Variants in CNTNAP2 observed in about 807,000 individuals in gnomAD.
CNTNAP2 encodes contactin-associated protein-like 2.
CNTNAP2 carries 98 observed loss-of-function variants against 155.2 expected under a neutral mutation model. The ratio of observed to expected loss-of-function variants is 0.63; its 90% confidence interval spans 0.54 to 0.75. The LOEUF is 0.75. CNTNAP2 is among the 30% of genes least tolerant of loss of function. CNTNAP2 has a pLI of 0.00. For synonymous variants in CNTNAP2, 651 were observed against 631.2 expected, an observed-to-expected ratio of 1.03 and a Z score of -0.47; for missense variants, 1,727 against 1,688.1, an observed-to-expected ratio of 1.02 and a Z score of -0.40.
chr7:147,249,646 ATCTC>A (rs548374628), intron 8 of CNTNAP2, among the ~76,000 whole-genome samples: 2 of 146,582 alleles, frequency 1.4e-5, no homozygotes, highest in East Asian at 2.0e-4. Flanking sequence ...CCAATCTTCA[ATCTC>A]TCTCTCACAC....
intron 21 of CNTNAP2, among the ~76,000 whole-genome samples, chr7:148,345,613 G>A (rs1798312451): frequency 6.6e-6 from 1 of 152,118 alleles, no homozygotes; most frequent in South Asian, 2.1e-4. Context: ...TCGAACCCCT[G>A]ACCTCGTGAT....
At chr7:148,383,030 A>C (rs1799101922) in intron 21 of CNTNAP2, among the ~76,000 whole-genome samples, 1 of 152,202 alleles carries the variant, frequency 6.6e-6, no homozygotes, top group Non-Finnish European at 1.5e-5. Context: ...AGATTCACCA[A>C]GGCATGTGTT....
At chr7:148,025,283 A>G (rs1385028211) in intron 15 of CNTNAP2, among the ~76,000 whole-genome samples, 1 of 152,192 alleles carries the variant, frequency 6.6e-6, no homozygotes, top group Non-Finnish European at 1.5e-5. Flanking sequence ...AGCTGATGCC[A>G]CCTGAACCCA....
intron 3 of CNTNAP2, among the ~76,000 whole-genome samples, chr7:146,950,395 A>G (rs1013056363): frequency 2.6e-5 from 4 of 152,068 alleles, no homozygotes; most frequent in African/African-American, 9.7e-5. Context: ...TGCTGCACCC[A>G]TTAACCCGCC....
chr7:148,414,243 A>G lies in CNTNAP2; in HGVS notation c.3797-1174A>G, dbSNP rs897343812. ...AGGAGCGTGCCACCATGCCTGGCTG[A>G]TTTTTGTACTTTTAGTATAAAAGAC... On this transcript the variant is annotated intron_variant, in intron 23 of 23. Coordinates refer to ENST00000361727, the MANE Select transcript of CNTNAP2 (RefSeq NM_014141.6). 5.3e-5 allele frequency among the ~76,000 whole-genome samples: 8 copies of G among 151,820 alleles called. No homozygotes were observed. In the East Asian group the frequency reaches 1.4e-3, roughly 26 times the overall value.
At chr7:146,170,134 C>A (rs1373004769) in intron 1 of CNTNAP2, among the ~76,000 whole-genome samples, 1 of 150,274 alleles carries the variant, frequency 6.7e-6, no homozygotes. Context: ...TCAAGCAATT[C>A]TCATGCCACA....
intron 12 of CNTNAP2, among the ~76,000 whole-genome samples, chr7:147,618,708 TACACACACAC>T (rs112885206): frequency 7.6e-6 from 1 of 132,044 alleles, no homozygotes; most frequent in Non-Finnish European, 1.5e-5. Flanking sequence ...ACAGCTATTA[TACACACACAC>T]ACACACACAC....
intron 13 of CNTNAP2, among the ~76,000 whole-genome samples, chr7:147,789,112 G>A (rs1196899929): frequency 2.0e-5 from 3 of 151,632 alleles, no homozygotes; most frequent in East Asian, 1.9e-4. Flanking sequence ...TCACCATGTT[G>A]GCCAGGCTGG....
chr7:146,185,404 G>T (rs568234719), intron 1 of CNTNAP2, among the ~76,000 whole-genome samples: 1 of 152,030 alleles, frequency 6.6e-6, no homozygotes, highest in Admixed American at 6.6e-5. Context: ...CTTCGATAGA[G>T]ACCATGTAAC....
At position 147,915,216 on chromosome 7, in the gene CNTNAP2, C is replaced by T. The variant is rs142647640; in HGVS notation, c.2255+11495C>T. ...AAAGCATCTTACTGGCTCTCCTGGCCCCAATATTGGAAGGAATTTCTCAGC... is the reference window on the plus strand; with the variant it reads ...AAAGCATCTTACTGGCTCTCCTGGCTCCAATATTGGAAGGAATTTCTCAGC... On this transcript the variant is annotated intron_variant, in intron 14 of 23. Transcript: ENST00000361727. 4.4e-3 allele frequency among the ~76,000 whole-genome samples: 673 copies of T among 152,262 alleles called. 4 individuals carry two copies. Among genetic ancestry groups the T allele is most frequent in the African/African-American group, 0.015 (642 of 41,536 alleles).
intron 3 of CNTNAP2, among the ~76,000 whole-genome samples, chr7:146,847,860 T>A (rs1014932091): frequency 6.6e-6 from 1 of 152,220 alleles, no homozygotes; most frequent in South Asian, 2.1e-4. Context: ...ATATATTTTT[T>A]AATGAAACTT....
At chr7:147,567,158 G>A (rs1800191131) in intron 12 of CNTNAP2, among the ~76,000 whole-genome samples, 1 of 152,144 alleles carries the variant, frequency 6.6e-6, no homozygotes, top group African/African-American at 2.4e-5. Context: ...TACATCCTAG[G>A]CAATTAGGGG....
chr7:148,145,868 T>G (rs1805167469), intron 16 of CNTNAP2, among the ~76,000 whole-genome samples: 2 of 152,206 alleles, frequency 1.3e-5, no homozygotes, highest in South Asian at 4.1e-4. Flanking sequence ...TGAGATATTT[T>G]TCTGAAGTGT....
chr7:148,035,237 G>A (rs372937276), intron 15 of CNTNAP2, among the ~76,000 whole-genome samples: 13 of 152,306 alleles, frequency 8.5e-5, no homozygotes, highest in East Asian at 1.9e-4. Flanking sequence ...TTAATAAAGG[G>A]ATTAGTACAG....
At chr7:146,431,885 T>C (rs899638420) in intron 1 of CNTNAP2, among the ~76,000 whole-genome samples, 1 of 152,100 alleles carries the variant, frequency 6.6e-6, no homozygotes, top group Admixed American at 6.6e-5. Context: ...TTTTTAAAAA[T>C]AGCTTTCGTA....
intron 15 of CNTNAP2, among the ~76,000 whole-genome samples, chr7:148,060,340 C>CAT (rs894289600): frequency 1.8e-4 from 27 of 151,892 alleles, no homozygotes; most frequent in African/African-American, 6.5e-4. Context: ...TTTCTTTATA[C>CAT]ATATATATGT....
chr7:148,055,757 CAGTTAAGAAGGAAAAG>C (rs1164894433), intron 15 of CNTNAP2, among the ~76,000 whole-genome samples: 6 of 151,904 alleles, frequency 3.9e-5, no homozygotes, highest in Non-Finnish European at 7.4e-5. Context: ...AAAAGCATTG[CAGTTAAGAAGGAAAAG>C]CATTGCAGTA....
chr7:147,682,962 G>A (rs1278066355), intron 13 of CNTNAP2, among the ~76,000 whole-genome samples: 1 of 151,660 alleles, frequency 6.6e-6, no homozygotes, highest in Non-Finnish European at 1.5e-5. Flanking sequence ...ACATCTAAAG[G>A]GTTTACACAC....
At chr7:146,583,586 C>T (rs528141094) in intron 1 of CNTNAP2, among the ~76,000 whole-genome samples, 1 of 152,042 alleles carries the variant, frequency 6.6e-6, no homozygotes, top group East Asian at 1.9e-4. Context: ...AAACTCAGAA[C>T]AAGAGATCGC....
Sources: allele counts gnomAD v4.1 joint callset (sites outside exome capture counted in the v4.1 genomes callset), GRCh38; gene constraint gnomAD v4.1.1; transcripts MANE v1.5; gene names NCBI Gene and HGNC (gene_info 2026-07-23, HGNC 2026-07-21).